Variants in GALNT13 observed in about 807,000 individuals in gnomAD.
The protein encoded by GALNT13 is UDP-GalNAc:polypeptide N-acetylgalactosaminyltransferase 13.
In GALNT13, 28 loss-of-function variants were observed where a neutral mutation model predicts 64.2. The ratio of observed to expected loss-of-function variants is 0.44; its 90% confidence interval spans 0.32 to 0.60. The LOEUF is 0.60. Among genes scored for constraint, GALNT13 ranks in the 20% least tolerant of loss-of-function variants. The pLI, the probability that GALNT13 is intolerant of heterozygous loss-of-function variation, is 0.05. For synonymous variants in GALNT13, 214 were observed against 224.6 expected (o/e 0.95, Z 0.42); for missense variants, 577 against 669.8 (o/e 0.86, Z 1.53).
the GALNT13 span, among the ~76,000 whole-genome samples, chr2:153,505,291 T>C: frequency 6.6e-6 from 1 of 152,162 alleles, no homozygotes; most frequent in Admixed American, 6.6e-5. Flanking sequence ...TCACTAATGG[T>C]CTATCATTTT....
the GALNT13 span, among the ~76,000 whole-genome samples, chr2:153,313,652 A>G: frequency 6.6e-6 from 1 of 152,314 alleles, no homozygotes; most frequent in South Asian, 2.1e-4. Context: ...CTTGTGACAG[A>G]AGTTGAGCTA....
At chr2:153,354,590 A>G in the GALNT13 span, among the ~76,000 whole-genome samples, 24 of 152,202 alleles carry the variant, frequency 1.6e-4, no homozygotes, top group African/African-American at 5.8e-4. Context: ...ACATGACCAT[A>G]ACTGATAAGG....
At chr2:153,924,701 T>C (rs1261136502) in intron 2 of GALNT13, among the ~76,000 whole-genome samples, 2 of 152,210 alleles carry the variant, frequency 1.3e-5, no homozygotes, top group Non-Finnish European at 2.9e-5. Context: ...TCCCTTTTTC[T>C]CCACGACCTC....
At chr2:154,406,613 T>G (rs779830279) in intron 10 of GALNT13, among the ~76,000 whole-genome samples, 10 of 152,164 alleles carry the variant, frequency 6.6e-5, no homozygotes, top group Non-Finnish European at 1.2e-4. Context: ...TCAAGTGTCT[T>G]TATTCCAACT....
the GALNT13 span, among the ~76,000 whole-genome samples, chr2:153,576,749 T>A: frequency 6.6e-6 from 1 of 152,120 alleles, no homozygotes; most frequent in East Asian, 1.9e-4. Flanking sequence ...CTCATGAAGA[T>A]GTTTTTTCAA....
At chr2:154,120,316 G>T (rs1343939487) in intron 3 of GALNT13, among the ~76,000 whole-genome samples, 1 of 152,170 alleles carries the variant, frequency 6.6e-6, no homozygotes, top group African/African-American at 2.4e-5. Context: ...ATATTACCTG[G>T]CTGGGCAATT....
intron 9 of GALNT13, among the ~76,000 whole-genome samples, chr2:154,391,043 T>A (rs1698766772): frequency 6.6e-6 from 1 of 152,228 alleles, no homozygotes; most frequent in Non-Finnish European, 1.5e-5. Flanking sequence ...CTCTGCTGTC[T>A]ATCTTTAGAT....
chr2:153,197,031 G>A, the GALNT13 span, among the ~76,000 whole-genome samples: 1 of 152,192 alleles, frequency 6.6e-6, no homozygotes, highest in African/African-American at 2.4e-5. Context: ...GGCTGAATGG[G>A]CCTGTCCCCA....
chr2:153,596,937 G>A, the GALNT13 span, among the ~76,000 whole-genome samples: 1 of 151,788 alleles, frequency 6.6e-6, no homozygotes, highest in African/African-American at 2.4e-5. Context: ...ACAAATTGGG[G>A]TACAAATTTT....
At chr2:154,436,409 AATACACTGT>A (rs1194607848) in intron 11 of GALNT13, 1 of 152,192 alleles carries the variant, frequency 6.6e-6, no homozygotes, top group Non-Finnish European at 1.5e-5. Context: ...ACTGGAGAAG[AATACACTGT>A]ATAAAAACGG....
At chr2:153,123,249 C>G in the GALNT13 span, among the ~76,000 whole-genome samples, 1 of 152,108 alleles carries the variant, frequency 6.6e-6, no homozygotes, top group Non-Finnish European at 1.5e-5. Context: ...AAGGATTTTT[C>G]CCCTAGAGCC....
the GALNT13 span, among the ~76,000 whole-genome samples, chr2:153,312,825 T>C: frequency 6.6e-6 from 1 of 152,180 alleles, no homozygotes; most frequent in Non-Finnish European, 1.5e-5. Flanking sequence ...ATCATAAAGC[T>C]GATTTAAGAG....
intron 3 of GALNT13, among the ~76,000 whole-genome samples, chr2:154,012,000 G>A (rs779874905): frequency 3.3e-5 from 5 of 152,176 alleles, no homozygotes; most frequent in African/African-American, 4.8e-5. Flanking sequence ...GTATAGTTGG[G>A]TGTTTATTTT....
chr2:153,921,925 A>G (rs1689786972), intron 2 of GALNT13, among the ~76,000 whole-genome samples: 1 of 152,158 alleles, frequency 6.6e-6, no homozygotes, highest in Non-Finnish European at 1.5e-5. Flanking sequence ...GGATATTAGA[A>G]ATATAATAAG....
chr2:153,745,872 G>C, the GALNT13 span, among the ~76,000 whole-genome samples: 1 of 152,058 alleles, frequency 6.6e-6, no homozygotes, highest in Admixed American at 6.6e-5. Flanking sequence ...ACAGGCTGGA[G>C]CCTCCATGCT....
chr2:154,146,097 G>T (rs1030394659), intron 4 of GALNT13, among the ~76,000 whole-genome samples: 1 of 151,108 alleles, frequency 6.6e-6, no homozygotes, highest in Non-Finnish European at 1.5e-5. Context: ...ATGTTAGAAT[G>T]CCTGTATGTT....
At chr2:153,472,622 C>T in the GALNT13 span, among the ~76,000 whole-genome samples, 4,783 of 152,250 alleles carry the variant, frequency 0.031, 98 homozygotes, top group Middle Eastern at 0.071. Context: ...GGCAGGATTT[C>T]TTCCAGCATT....
chr2:154,434,521 A>G (rs141312726), intron 11 of GALNT13, among the ~76,000 whole-genome samples: 1,700 of 152,218 alleles, frequency 0.011, 38 homozygotes, highest in African/African-American at 0.038. Context: ...GGCCTCCCAA[A>G]CTGCTGGGAT....
the GALNT13 span, among the ~76,000 whole-genome samples, chr2:153,344,417 G>A: frequency 6.6e-6 from 1 of 152,138 alleles, no homozygotes; most frequent in African/African-American, 2.4e-5. Context: ...TTTGTCTAAT[G>A]TTTCCTCACA....
Sources: gnomAD v4.1 joint callset for allele counts (sites outside exome capture counted in the v4.1 genomes callset) on GRCh38, gnomAD v4.1.1 for gene constraint, MANE v1.5 for transcripts, NCBI Gene and HGNC (gene_info 2026-07-23, HGNC 2026-07-21) for gene names.